The following DOK6 variants were observed in gnomAD, a reference collection of about 807,000 sequenced individuals.
The protein encoded by DOK6 is docking protein 6.
DOK6 carries 22 observed loss-of-function variants against 44.0 expected under a neutral mutation model. The observed-to-expected ratio is 0.50, with a 90% CI of 0.36 to 0.71. The LOEUF is 0.71. Among genes scored for constraint, DOK6 ranks in the 30% least tolerant of loss-of-function variants. DOK6 has a pLI of 0.00. For missense variants in DOK6, 340 were observed against 416.4 expected (o/e 0.82, Z 1.60); for synonymous variants, 166 against 145.5 (o/e 1.14, Z -1.01).
chr18:69,786,489 A>C (rs974145804), intron 7 of DOK6, among the ~76,000 whole-genome samples: 10 of 152,210 alleles, frequency 6.6e-5, no homozygotes, highest in African/African-American at 2.4e-4. Context: ...AATAACGGTA[A>C]TGTTATATCA....
chr18:69,790,113 G>A (rs1487272997), intron 7 of DOK6, among the ~76,000 whole-genome samples: 2 of 152,084 alleles, frequency 1.3e-5, no homozygotes, highest in Non-Finnish European at 2.9e-5. Flanking sequence ...TTTGTCAAAG[G>A]AGAGGATGTC....
chr18:69,820,516 T>C (rs1286226464), intron 7 of DOK6, among the ~76,000 whole-genome samples: 1 of 152,190 alleles, frequency 6.6e-6, no homozygotes, highest in Non-Finnish European at 1.5e-5. Context: ...ACATTTGGCC[T>C]TAAACTTGCT....
chr18:69,587,770 A>ACACACACACACAC (rs1983537798), intron 2 of DOK6, among the ~76,000 whole-genome samples: 1 of 149,056 alleles, frequency 6.7e-6, no homozygotes, highest in African/African-American at 2.5e-5. Context: ...TGTAAATTTA[A>ACACACACACACAC]ACACACACAC....
intron 7 of DOK6, among the ~76,000 whole-genome samples, chr18:69,831,733 C>A (rs1191645878): frequency 6.6e-6 from 1 of 152,140 alleles, no homozygotes; most frequent in Non-Finnish European, 1.5e-5. Flanking sequence ...CAGAAGCACT[C>A]TAGGAGAGCA....
At chr18:69,811,724 C>A (rs995817968) in intron 7 of DOK6, among the ~76,000 whole-genome samples, 1 of 151,750 alleles carries the variant, frequency 6.6e-6, no homozygotes, top group African/African-American at 2.4e-5. Context: ...TTTGCAAACC[C>A]TTTGGGTGAT....
At chr18:69,516,615 A>G (rs1981530315) in intron 1 of DOK6, among the ~76,000 whole-genome samples, 1 of 152,074 alleles carries the variant, frequency 6.6e-6, no homozygotes, top group Non-Finnish European at 1.5e-5. Context: ...ATTCTATCAT[A>G]TTATCTTCTT....
intron 2 of DOK6, among the ~76,000 whole-genome samples, chr18:69,597,254 C>A (rs980785562): frequency 1.3e-5 from 2 of 152,044 alleles, no homozygotes; most frequent in Middle Eastern, 3.2e-3. Context: ...TTATGGTAAA[C>A]CCTAGAACAA....
At chr18:69,674,318 A>G (rs1416855106) in intron 3 of DOK6, among the ~76,000 whole-genome samples, 1 of 152,216 alleles carries the variant, frequency 6.6e-6, no homozygotes, top group Non-Finnish European at 1.5e-5. Context: ...AAAGGTTAAT[A>G]CTTTTGAGGT....
intron 7 of DOK6, among the ~76,000 whole-genome samples, chr18:69,794,788 C>A (rs894089143): frequency 3.9e-5 from 6 of 152,140 alleles, no homozygotes; most frequent in African/African-American, 1.4e-4. Context: ...CCTGTCAGAT[C>A]AGCGGCATGA....
At chr18:69,420,197 TA>T (rs748123795) in intron 1 of DOK6, among the ~76,000 whole-genome samples, 9 of 151,586 alleles carry the variant, frequency 5.9e-5, no homozygotes, top group Admixed American at 6.6e-5. Context: ...CTATCTAAAT[TA>T]AAAAAAAATT....
chr18:69,484,562 G>A (rs1331594798), intron 1 of DOK6, among the ~76,000 whole-genome samples: 1 of 152,160 alleles, frequency 6.6e-6, no homozygotes, highest in South Asian at 2.1e-4. Flanking sequence ...TGCTCCTAGA[G>A]GAAATACAGG....
chr18:69,799,339 A>G (rs1347111951), intron 7 of DOK6, among the ~76,000 whole-genome samples: 1 of 152,086 alleles, frequency 6.6e-6, no homozygotes, highest in African/African-American at 2.4e-5. Flanking sequence ...AATATTTGAA[A>G]TTTAGGAACA....
chr18:69,585,564 T>C (rs1033469114), intron 2 of DOK6, among the ~76,000 whole-genome samples: 4 of 152,230 alleles, frequency 2.6e-5, no homozygotes, highest in African/African-American at 9.6e-5. Flanking sequence ...GAGTGATAGG[T>C]TTACTGCTTA....
intron 7 of DOK6, among the ~76,000 whole-genome samples, chr18:69,769,500 T>C (rs1440316225): frequency 6.6e-6 from 1 of 152,128 alleles, no homozygotes; most frequent in Non-Finnish European, 1.5e-5. Flanking sequence ...TGATTTACCA[T>C]TTATAAATTT....
intron 7 of DOK6, among the ~76,000 whole-genome samples, chr18:69,788,957 A>T (rs1418833136): frequency 6.6e-6 from 1 of 152,204 alleles, no homozygotes; most frequent in African/African-American, 2.4e-5. Context: ...TATGACTTCA[A>T]CTCGTCTTAA....
chr18:69,446,420 T>G (rs1217378529), intron 1 of DOK6, among the ~76,000 whole-genome samples: 4 of 152,042 alleles, frequency 2.6e-5, no homozygotes, highest in Non-Finnish European at 5.9e-5. Context: ...TATTCCATGG[T>G]GTATATGTGC....
intron 4 of DOK6, among the ~76,000 whole-genome samples, chr18:69,686,062 T>C (rs566153547): frequency 1.3e-5 from 2 of 152,234 alleles, no homozygotes; most frequent in South Asian, 4.1e-4. Context: ...TAATCCAATA[T>C]GACTGGTGTC....
chr18:69,463,198 C>T (rs1467188911), intron 1 of DOK6, among the ~76,000 whole-genome samples: 1 of 152,126 alleles, frequency 6.6e-6, no homozygotes, highest in Admixed American at 6.5e-5. Context: ...GGGTCTCTCT[C>T]AGGCCTCTCC....
intron 3 of DOK6, chr18:69,647,277 G>C (rs986816339): frequency 2.0e-5 from 3 of 151,998 alleles, no homozygotes; most frequent in Non-Finnish European, 4.4e-5. Context: ...GTAAAGTGAA[G>C]TTTATATGTT....
Sources: gnomAD v4.1 joint callset for allele counts (sites outside exome capture counted in the v4.1 genomes callset) on GRCh38, gnomAD v4.1.1 for gene constraint, MANE v1.5 for transcripts, NCBI Gene and HGNC (gene_info 2026-07-23, HGNC 2026-07-21) for gene names.